The following KAT6A variants were observed in gnomAD, a reference collection of about 807,000 sequenced individuals.
The protein encoded by KAT6A is histone acetyltransferase KAT6A.
In KAT6A, 9 loss-of-function variants were observed where a neutral mutation model predicts 198.4. The ratio of observed to expected loss-of-function variants is 0.05; its 90% CI spans 0.03 to 0.08. The LOEUF is 0.08. KAT6A is among the 10% of genes least tolerant of loss of function. KAT6A has a pLI of 1.00. For missense variants in KAT6A, 2,077 were observed against 2,509.9 expected, an observed-to-expected ratio of 0.83 and a Z score of 3.69; for synonymous variants, 890 against 883.0, an observed-to-expected ratio of 1.01 and a Z score of -0.14.
intron 2 of KAT6A, among the ~76,000 whole-genome samples, chr8:42,037,591 T>C (rs1827443120): frequency 6.6e-6 from 1 of 152,020 alleles, no homozygotes; most frequent in South Asian, 2.1e-4. Flanking sequence ...ACGCAGCCCA[T>C]AGTACAAGTC....
At chr8:41,971,480 G>A (rs912179517) in intron 8 of KAT6A, among the ~76,000 whole-genome samples, 6 of 152,154 alleles carry the variant, frequency 3.9e-5, no homozygotes, top group African/African-American at 1.4e-4. Flanking sequence ...AAAGGCCCAA[G>A]GCAGGCATGC....
At position 41,929,511 on chromosome 8, in the gene KAT6A, G is replaced by T; in HGVS notation, c.*2694C>A. 5.5e-6 allele frequency: 1 copy of T among 181,922 alleles called. No individual in the cohort carries two copies. 11.3% of individuals were successfully genotyped at this position (181,922 alleles called of 1,614,324 possible). ...TGGCTCAACATAATTTATTTTTTATGTTAAAATGTACAGAGTTCTTTTGAA... is the reference window on the plus strand; with the variant it reads ...TGGCTCAACATAATTTATTTTTTATTTTAAAATGTACAGAGTTCTTTTGAA... On this transcript the variant is annotated 3_prime_UTR_variant, in exon 17 of 17. Coordinates refer to ENST00000265713, the MANE Select transcript of KAT6A (RefSeq NM_006766.5).
intron 2 of KAT6A, among the ~76,000 whole-genome samples, chr8:42,009,700 A>C (rs1825919039): frequency 2.0e-5 from 3 of 151,704 alleles, no homozygotes; most frequent in Admixed American, 2.0e-4. Context: ...GGAGTTCAAG[A>C]CCAGCCTGGG....
In KAT6A at chr8:41,946,507, C is replaced by T. The variant is rs1057300234; in HGVS notation, c.1996+84G>A. The T allele has an allele frequency of 2.8e-5, 18 of 641,698 alleles. No individual in the cohort carries two copies. The African/African-American group carries it at 3.1e-4, about 11-fold the overall frequency. The allele number at this position is 641,698 out of a possible 1,614,324, so 39.8% of individuals were successfully genotyped here. ...ATATATATATATACACACACACACA[C>T]ACACACACACACACACACACACACA... On this transcript the variant is annotated intron_variant, in intron 12 of 16. Coordinates refer to ENST00000265713, the MANE Select transcript of KAT6A (RefSeq NM_006766.5).
At chr8:41,987,793 C>T (rs1298425568) in intron 2 of KAT6A, among the ~76,000 whole-genome samples, 2 of 152,108 alleles carry the variant, frequency 1.3e-5, no homozygotes, top group African/African-American at 4.8e-5. Flanking sequence ...AAATCCTATC[C>T]CAGTCATGTT....
Position 41,974,051 on chromosome 8 carries a change from G to A in KAT6A, c.1482+653C>T, listed in dbSNP as rs141395236. ...ACATAGACTCTGTCTATATATTTAC[G>A]ATCTTGCCATGTGTCACAAAGAATT... On this transcript the variant is annotated intron_variant, in intron 8 of 16. Coordinates refer to ENST00000265713, the MANE Select transcript of KAT6A (RefSeq NM_006766.5). 2.4e-3 allele frequency among the ~76,000 whole-genome samples: 370 copies of A among 151,892 alleles called. 7 individuals carry two copies. Among genetic ancestry groups the A allele is most frequent in the East Asian group, 1.4e-3 (7 of 5,170 alleles).
rs547905181 is a variant in KAT6A, at chr8:41,981,388, G to T, written c.825+451C>A. Among the ~76,000 whole-genome samples, 4 of 152,334 alleles carry T rather than the reference G, an allele frequency of 2.6e-5. No homozygotes were observed. In the South Asian group the frequency reaches 8.3e-4, roughly 32 times the overall value. On this transcript the variant is annotated intron_variant, in intron 4 of 16. Transcript: ENST00000265713. ...AGTTTCCTTAATTTGTATTAACTAT[G>T]TAAATAGAGTTAGCAAAAAGTTATG...
intron 2 of KAT6A, among the ~76,000 whole-genome samples, chr8:42,042,594 T>C (rs1827719711): frequency 6.6e-6 from 1 of 152,192 alleles, no homozygotes; most frequent in Non-Finnish European, 1.5e-5. Context: ...GTTGACCAAA[T>C]TGAGATGTAA....
At chr8:42,030,588 AC>A (rs1199606648) in intron 2 of KAT6A, among the ~76,000 whole-genome samples, 1 of 151,172 alleles carries the variant, frequency 6.6e-6, no homozygotes, top group African/African-American at 2.4e-5. Flanking sequence ...TTTTTGAGAC[AC>A]AGTTTTGTTC....
At position 41,931,926 on chromosome 8, in the gene KAT6A, G is replaced by A. The variant is rs2150854141; in HGVS notation, c.*279C>T. ...AGAAAGTAAGGCTCTTTTTAATTAT[G>A]AAAAGATTTTGTGCATGTTTCCCCA... On this transcript the variant is annotated 3_prime_UTR_variant, in exon 17 of 17. Coordinates refer to ENST00000265713, the MANE Select transcript of KAT6A (RefSeq NM_006766.5). 1.4e-5 allele frequency: 4 copies of A among 292,306 alleles called. No individual in the cohort carries two copies. The East Asian group carries it at 2.1e-4, about 15-fold the overall frequency. 18.1% of individuals were successfully genotyped at this position (292,306 alleles called of 1,614,324 possible).
At chr8:41,949,881 G>A (rs895350201) in intron 9 of KAT6A, among the ~76,000 whole-genome samples, 1 of 152,148 alleles carries the variant, frequency 6.6e-6, no homozygotes, top group South Asian at 2.1e-4. Context: ...TTTCCTGGGG[G>A]ACTCACAATG....
intron 2 of KAT6A, among the ~76,000 whole-genome samples, chr8:42,020,257 C>A (rs558659122): frequency 6.6e-6 from 1 of 152,014 alleles, no homozygotes; most frequent in African/African-American, 2.4e-5. Flanking sequence ...CTGTATGGCC[C>A]GCAAAGCCTA....
At chr8:41,998,287 T>C (rs1315255062) in intron 2 of KAT6A, among the ~76,000 whole-genome samples, 2 of 152,148 alleles carry the variant, frequency 1.3e-5, no homozygotes, top group Non-Finnish European at 2.9e-5. Flanking sequence ...TCTGCAAAAT[T>C]CGTTATTTCC....
intron 2 of KAT6A, among the ~76,000 whole-genome samples, chr8:42,031,412 G>C (rs535713898): frequency 5.3e-5 from 8 of 152,014 alleles, no homozygotes; most frequent in Admixed American, 2.6e-4. Flanking sequence ...TATAAATTTT[G>C]AGAGGATAAA....
At chr8:42,039,601 C>T (rs145230426) in intron 2 of KAT6A, among the ~76,000 whole-genome samples, 2 of 152,062 alleles carry the variant, frequency 1.3e-5, no homozygotes, top group African/African-American at 4.8e-5. Flanking sequence ...AGTATTGGCC[C>T]ACAAGTCCAG....
At chr8:41,942,665 A>C in intron 14 of KAT6A, 128 bp downstream of exon 14, 1 of 1,068,912 alleles carries the variant, frequency 9.4e-7, no homozygotes, top group South Asian at 1.7e-5. Context: ...CCACTGAAAT[A>C]AAACTCTTGA....
chr8:41,987,916 T>G (rs1029768405), intron 2 of KAT6A, among the ~76,000 whole-genome samples: 1 of 152,218 alleles, frequency 6.6e-6, no homozygotes, highest in African/African-American at 2.4e-5. Context: ...TGAAAAAGCA[T>G]GTGATCTAGT....
At chr8:41,980,105 A>C (rs991506356) in intron 5 of KAT6A, among the ~76,000 whole-genome samples, 4 of 152,236 alleles carry the variant, frequency 2.6e-5, no homozygotes, top group Admixed American at 6.5e-5. Flanking sequence ...AATATCCTAT[A>C]GGCATTTTAC....
chr8:42,035,007 T>C (rs986492060), intron 2 of KAT6A, among the ~76,000 whole-genome samples: 1 of 152,208 alleles, frequency 6.6e-6, no homozygotes, highest in Non-Finnish European at 1.5e-5. Context: ...AAGATCATTT[T>C]GGCAATAATG....
Sources: allele counts gnomAD v4.1 joint callset (sites outside exome capture counted in the v4.1 genomes callset), GRCh38; gene constraint gnomAD v4.1.1; transcripts MANE v1.5; gene names NCBI Gene and HGNC (gene_info 2026-07-23, HGNC 2026-07-21).